The following GNPTAB variants were observed in gnomAD, a reference collection of about 807,000 sequenced individuals.
GNPTAB encodes the protein N-acetylglucosamine-1-phosphate transferase subunits alpha and beta.
GNPTAB carries 92 observed loss-of-function variants against 136.6 expected under a neutral mutation model. That is an observed-to-expected ratio of 0.67 (90% CI 0.57 to 0.80). The LOEUF (loss-of-function observed/expected upper bound fraction) is 0.80. Among genes scored for constraint, GNPTAB ranks in the 30% least tolerant of loss-of-function variants. The probability of loss-of-function intolerance (pLI) is 0.00; values close to 1 mark genes in which losing one functional copy is unlikely to be tolerated. For synonymous variants in GNPTAB, 512 were observed against 535.1 expected, an observed-to-expected ratio of 0.96 and a Z score of 0.60; for missense variants, 1,343 against 1,501.8, an observed-to-expected ratio of 0.89 and a Z score of 1.75.
In GNPTAB at chr12:101,764,240, G is replaced by A; in HGVS notation, c.2677C>T (p.Pro893Ser). The A allele has an allele frequency of 1.2e-6, 2 of 1,613,546 alleles. No individual in the cohort carries two copies. Among genetic ancestry groups the A allele is most frequent in the South Asian group, 2.2e-5 (2 of 91,048 alleles). The change falls in exon 13 of 21, where the codon CCA becomes TCA. Residue 893 changes from proline to serine, a missense_variant. By Grantham distance (74) the Pro-to-Ser change is moderately conservative (BLOSUM62 -1). Coordinates refer to ENST00000299314, the MANE Select transcript of GNPTAB (RefSeq NM_024312.5). ...TGGAAATACTTTTTTTTCTCCCATGGCAAAAAGCCCAAGTAACTATCTGTG... is the reference window on the plus strand; with the variant it reads ...TGGAAATACTTTTTTTTCTCCCATGACAAAAAGCCCAAGTAACTATCTGTG... ...HYTDSYLGFL[P>S]WEKKKYFQDL...
intron 1 of GNPTAB, among the ~76,000 whole-genome samples, chr12:101,815,827 C>G (rs1316809088): frequency 1.3e-5 from 2 of 152,148 alleles, no homozygotes; most frequent in Admixed American, 1.3e-4. Context: ...ACTAAAACGG[C>G]ATGGTGCTGG....
Position 101,764,317 on chromosome 12 carries a change from T to G in GNPTAB, c.2600A>C (p.Glu867Ala). Residue 867 changes from glutamate (E) to alanine (A), a missense_variant, in exon 13 of 21, where the codon GAA becomes GCA. Coordinates refer to ENST00000299314, the MANE Select transcript of GNPTAB (RefSeq NM_024312.5). ...KENSRMEENA[E>A]NHIGVTEVLL... The stretch of plus-strand genomic sequence containing the variant: ...CACTTCAGTAACGCCTATGTGATTT[T>G]CAGCATTTTCCTCCATTCTACTGTT... 1 of 1,614,084 alleles carries G rather than the reference T, an allele frequency of 6.2e-7. No individual in the cohort carries two copies. The highest frequency in any genetic ancestry group is 8.5e-7 in the Non-Finnish European group (1 of 1,180,006).
At position 101,770,516 on chromosome 12, in the gene GNPTAB, A is replaced by T. The variant is rs1281070218; in HGVS notation, c.1003T>A (p.Ser335Thr). Residue 335 changes from serine (S) to threonine (T), a missense_variant, in exon 9 of 21, where the codon TCT becomes ACT. Coordinates refer to ENST00000299314, the MANE Select transcript of GNPTAB (RefSeq NM_024312.5). ...ACCCATGGTGCATGCCTCTCGATAG[A>T]TCGCAATGAGTACCTCAGTTCTTCG... The part of the protein sequence containing the change: ...DNEELRYSLR[S>T]IERHAPWVRN... 5.0e-6 allele frequency: 8 copies of T among 1,613,200 alleles called. No individual in the cohort carries two copies. In the South Asian group the frequency reaches 8.8e-5, roughly 18 times the overall value.
chr12:101,801,944 T>C (rs1448327259), intron 1 of GNPTAB, among the ~76,000 whole-genome samples: 1 of 151,602 alleles, frequency 6.6e-6, no homozygotes, highest in African/African-American at 2.4e-5. Flanking sequence ...GTCCAGCTAC[T>C]CAGGAGGCCA....
intron 2 of GNPTAB, 112 bp from the exon 3 acceptor site, chr12:101,790,169 T>A: frequency 7.1e-7 from 1 of 1,408,678 alleles, no homozygotes. Flanking sequence ...TCTGAAGAAG[T>A]AATCCAACCA....
At chr12:101,814,028 G>T (rs942232730) in intron 1 of GNPTAB, among the ~76,000 whole-genome samples, 1 of 151,530 alleles carries the variant, frequency 6.6e-6, no homozygotes, top group African/African-American at 2.4e-5. Flanking sequence ...GCAGTGAGCC[G>T]AGATCGCACC....
intron 1 of GNPTAB, among the ~76,000 whole-genome samples, chr12:101,818,730 C>A (rs1870643986): frequency 6.6e-6 from 1 of 152,108 alleles, no homozygotes; most frequent in Non-Finnish European, 1.5e-5. Flanking sequence ...TTGCCTGTGT[C>A]CCCACCCAAA....
chr12:101,808,400 G>A (rs1056855657), intron 1 of GNPTAB, among the ~76,000 whole-genome samples: 14 of 149,860 alleles, frequency 9.3e-5, no homozygotes, highest in African/African-American at 2.7e-4. Flanking sequence ...AAAAAAGCTG[G>A]GCATAGCGGC....
chr12:101,806,034 A>G (rs1869916656), intron 1 of GNPTAB, among the ~76,000 whole-genome samples: 1 of 152,246 alleles, frequency 6.6e-6, no homozygotes, highest in Non-Finnish European at 1.5e-5. Flanking sequence ...TTTAAAACAT[A>G]GTAACTTAAT....
Position 101,768,019 on chromosome 12 carries a change from A to C in GNPTAB, c.1408+18T>G, listed in dbSNP as rs770554349. 3.7e-6 allele frequency: 6 copies of C among 1,613,084 alleles called. No individual in the cohort carries two copies. The African/African-American group carries it at 6.7e-5, about 18-fold the overall frequency. ...TATTCCATAAAAATGAACGAATTACAGTTTAACACATCCTTACCAGAGCAA... is the reference window on the plus strand; with the variant it reads ...TATTCCATAAAAATGAACGAATTACCGTTTAACACATCCTTACCAGAGCAA... On this transcript the variant is annotated intron_variant, in intron 11 of 20. Transcript: ENST00000299314.
chr12:101,749,050 AG>A (rs757138810), intron 20 of GNPTAB, 50 bp downstream of exon 20: 8 of 993,268 alleles, frequency 8.1e-6, no homozygotes, highest in Non-Finnish European at 1.3e-5. Flanking sequence ...TTCAGATGCT[AG>A]TATACCAAGA....
In GNPTAB at chr12:101,790,727, A is replaced by G. The variant is rs552939019; in HGVS notation, c.204-670T>C. 2.5e-3 allele frequency among the ~76,000 whole-genome samples: 361 copies of G among 143,696 alleles called. 3 individuals carry two copies. The highest frequency in any genetic ancestry group is 4.3e-3 in the Non-Finnish European group (284 of 66,576). The allele number at this position is 143,696 out of a possible 152,430, so 94.3% of individuals were successfully genotyped here. On this transcript the variant is annotated intron_variant, in intron 2 of 20. Coordinates refer to ENST00000299314, the MANE Select transcript of GNPTAB (RefSeq NM_024312.5). ...TGCACTCCAGCCTGGGAGACAGATCAAGGCCTTGTCTCTAAAAAAAAAAAA... is the reference window on the plus strand; with the variant it reads ...TGCACTCCAGCCTGGGAGACAGATCGAGGCCTTGTCTCTAAAAAAAAAAAA...
intron 7 of GNPTAB, chr12:101,778,405 T>C (rs1000457661): frequency 6.6e-6 from 1 of 152,222 alleles, no homozygotes; most frequent in African/African-American, 2.4e-5. Context: ...CATGTGTCTA[T>C]AATTCTAGAA....
At chr12:101,797,100 T>C (rs1234216429) in intron 1 of GNPTAB, among the ~76,000 whole-genome samples, 1 of 152,132 alleles carries the variant, frequency 6.6e-6, no homozygotes, top group Non-Finnish European at 1.5e-5. Context: ...AAGAGCATGC[T>C]TGTAGGCTGA....
chr12:101,765,902 C>A, intron 12 of GNPTAB, 189 bp downstream of exon 12: 1 of 597,950 alleles, frequency 1.7e-6, no homozygotes, highest in South Asian at 1.8e-5. Flanking sequence ...CAGACTGCAA[C>A]AATAACAGGA....
intron 1 of GNPTAB, among the ~76,000 whole-genome samples, chr12:101,820,026 G>A (rs889181384): frequency 1.3e-5 from 2 of 152,126 alleles, no homozygotes; most frequent in African/African-American, 4.8e-5. Flanking sequence ...GTGGTCTCCT[G>A]TCCTTTCTTC....
At chr12:101,786,648 G>A (rs1868666154) in intron 4 of GNPTAB, among the ~76,000 whole-genome samples, 1 of 152,172 alleles carries the variant, frequency 6.6e-6, no homozygotes, top group Non-Finnish European at 1.5e-5. Flanking sequence ...TACATTGGAT[G>A]TGACACTACA....
At position 101,766,271 on chromosome 12, in the gene GNPTAB, T is replaced by C. The variant is rs779243583; in HGVS notation, c.1432A>G (p.Ile478Val). Residue 478 changes from isoleucine to valine, a missense_variant, in exon 12 of 21, where the codon ATT (isoleucine) becomes GTT (valine). Coordinates refer to ENST00000299314, the MANE Select transcript of GNPTAB (RefSeq NM_024312.5). ...CSGNSGGSRY[I>V]AGGGGTGSIG... ...CTCCCAGTACCTCCACCTCCTGCAA[T>C]ATAGCGACTCCCTCCACTGTTTCCT... 2.5e-6 allele frequency: 4 copies of C among 1,613,926 alleles called. No homozygotes were observed. In the South Asian group the frequency reaches 3.3e-5, roughly 13 times the overall value.
At chr12:101,757,140 C>T in intron 18 of GNPTAB, 72 bp downstream of exon 18, 1 of 829,112 alleles carries the variant, frequency 1.2e-6, no homozygotes, top group Non-Finnish European at 2.0e-6. Flanking sequence ...CAGAAATAAG[C>T]TACTCCCTTC....
Sources: allele counts gnomAD v4.1 joint callset (sites outside exome capture counted in the v4.1 genomes callset), GRCh38; gene constraint gnomAD v4.1.1; transcripts MANE v1.5; gene names NCBI Gene and HGNC (gene_info 2026-07-23, HGNC 2026-07-21).